The following AQP3 variants were observed in gnomAD, a reference collection of about 807,000 sequenced individuals.
The protein encoded by AQP3 is aquaporin 3 (Gill blood group).
Under a neutral mutation model 30.3 loss-of-function variants are expected in AQP3, and 15 were observed. The observed-to-expected ratio is 0.49, with a 90% CI of 0.33 to 0.76. The LOEUF (loss-of-function observed/expected upper bound fraction) is 0.76, where lower values mean the gene tolerates loss of function less well. AQP3 is among the 30% of genes least tolerant of loss of function. The pLI is 0.02. For missense variants in AQP3, 272 were observed against 384.8 expected, an observed-to-expected ratio of 0.71 and a Z score of 2.45; for synonymous variants, 153 against 163.2, an observed-to-expected ratio of 0.94 and a Z score of 0.47.
chr9:33,446,494 G>T (rs1826915570), intron 1 of AQP3, among the ~76,000 whole-genome samples: 1 of 152,208 alleles, frequency 6.6e-6, no homozygotes, highest in Admixed American at 6.5e-5. Context: ...AGGAAAACAG[G>T]TGTAACCACA....
chr9:33,443,076 A>G lies in AQP3; in HGVS notation c.374-106T>C. On this transcript the variant is annotated intron_variant, in intron 3 of 5. Transcript: ENST00000297991. This position sits in a 1 kb window ranked among gnomAD's most constrained non-coding sequence, Gnocchi z 5.0. ...TCCCATGAGTTATGGGTAAGTAGCA[A>G]TACTGCTGTATTGCAGCAGGCAGAG... 8.5e-7 allele frequency: 1 copy of G among 1,174,338 alleles called. No homozygotes were observed. The highest frequency in any genetic ancestry group is 1.3e-6 in the Non-Finnish European group (1 of 789,082). The allele number at this position is 1,174,338 out of a possible 1,614,324, so 72.7% of individuals were successfully genotyped here.
intron 4 of AQP3, 153 bp from the exon 5 acceptor site, chr9:33,442,671 A>G (rs1826855642): frequency 1.8e-6 from 2 of 1,086,414 alleles, no homozygotes; most frequent in Non-Finnish European, 2.8e-6. Flanking sequence ...TCTGCGTGAC[A>G]AGAACCCGCT....
chr9:33,442,539 G>A, intron 4 of AQP3, 21 bp from the exon 5 acceptor site: 5 of 1,585,648 alleles, frequency 3.2e-6, no homozygotes, highest in Non-Finnish European at 4.3e-6. Context: ...GGGAGAACAG[G>A]GTGAGCTGCA....
intron 1 of AQP3, among the ~76,000 whole-genome samples, chr9:33,446,156 G>A (rs1826910604): frequency 6.6e-6 from 1 of 152,208 alleles, no homozygotes; most frequent in Admixed American, 6.5e-5. Context: ...ATAGGAGTGA[G>A]GGCTCCGAGG....
chr9:33,442,567 G>A (rs1485043718), intron 4 of AQP3, 49 bp from the exon 5 acceptor site: 17 of 1,525,422 alleles, frequency 1.1e-5, no homozygotes, highest in Non-Finnish European at 1.5e-5. Flanking sequence ...CCCTTTCTCT[G>A]ACCCCTCCTT....
At position 33,442,034 on chromosome 9, in the gene AQP3, C is replaced by T; in HGVS notation, c.*9G>A. 1.9e-6 allele frequency: 3 copies of T among 1,612,282 alleles called. No homozygotes were observed. The highest frequency in any genetic ancestry group is 1.7e-6 in the Non-Finnish European group (2 of 1,179,174). Reference sequence around the variant, plus strand: ...AGGGCAGCGGAGTGGGGAGATGGCCCCTGCCCACTCAGATCTGCTCCTTGT... The same window carrying T: ...AGGGCAGCGGAGTGGGGAGATGGCCTCTGCCCACTCAGATCTGCTCCTTGT... On this transcript the variant is annotated 3_prime_UTR_variant, in exon 6 of 6. Coordinates refer to ENST00000297991, the MANE Select transcript of AQP3 (RefSeq NM_004925.5).
In AQP3 at chr9:33,442,773, T is replaced by G. The variant is rs1037776006; in HGVS notation, c.492+79A>C. The G allele has an allele frequency of 7.9e-6, 11 of 1,394,134 alleles. No individual in the cohort carries two copies. The African/African-American group carries it at 1.1e-4, about 14-fold the overall frequency. The allele number at this position is 1,394,134 out of a possible 1,614,324, so 86.4% of individuals were successfully genotyped here. A position where few individuals can be genotyped will look rare whatever the true frequency, so the allele number is the denominator to read the frequency against. ...AAACCCTGCTACAGTCGAGGAGTCCTGTCCCCCAACCAGCCCATGAGCTAC... is the reference window on the plus strand; with the variant it reads ...AAACCCTGCTACAGTCGAGGAGTCCGGTCCCCCAACCAGCCCATGAGCTAC... On this transcript the variant is annotated intron_variant, in intron 4 of 5. Coordinates refer to ENST00000297991, the MANE Select transcript of AQP3 (RefSeq NM_004925.5).
At chr9:33,442,786 G>T in intron 4 of AQP3, 66 bp downstream of exon 4, 1 of 1,471,246 alleles carries the variant, frequency 6.8e-7, no homozygotes, top group Non-Finnish European at 9.5e-7. Context: ...CCCCCAACCA[G>T]CCCATGAGCT....
At chr9:33,444,324 G>A (rs1439106701) in intron 1 of AQP3, among the ~76,000 whole-genome samples, 1 of 152,170 alleles carries the variant, frequency 6.6e-6, no homozygotes, top group East Asian at 1.9e-4. Context: ...ATGTAGGCCC[G>A]GTGCAGTGGC....
In AQP3 at chr9:33,443,411, G is replaced by C; in HGVS notation, c.283C>G (p.Arg95Gly). The stretch of plus-strand genomic sequence containing the variant: ...ATGGGCAGCTTGATCCAGGGCTCAC[G>C]AGCCAGGAAGCACATGGCAAAGGTC... ...AVTFAMCFLA[R>G]EPWIKLPIYT... Residue 95 changes from arginine to glycine, a missense_variant, in exon 3 of 6, where the codon CGT (arginine) becomes GGT (glycine). By Grantham distance (125) the Arg-to-Gly change is moderately radical. Coordinates refer to ENST00000297991, the MANE Select transcript of AQP3 (RefSeq NM_004925.5). The surrounding 1 kb of genome is among the most constrained non-coding windows in gnomAD (Gnocchi z 5.0). 6 of 1,609,526 alleles carry C rather than the reference G, an allele frequency of 3.7e-6. No homozygotes were observed. The highest frequency in any genetic ancestry group is 5.1e-6 in the Non-Finnish European group (6 of 1,178,258).
rs1304576964 is a variant in AQP3 at position 33,443,767 on chromosome 9, A to G, written c.234T>C (p.Ser78=). The G allele has an allele frequency of 1.9e-6, 3 of 1,614,012 alleles. No homozygotes were observed. The highest frequency in any genetic ancestry group is 1.7e-6 in the Non-Finnish European group (2 of 1,179,974). ...CTGGGGGCAGGGTTAAGGCCTTACC[A>G]GAGACCTGGCCAGCGATGAGGATGC... ...TLGILIAGQV[S]GAHLNPAVTF... is the part of the protein sequence containing the mutation. The change falls in exon 2 of 6, where the codon TCT becomes TCC. Residue 78 remains serine, a splice_region_variant and synonymous_variant. Coordinates refer to ENST00000297991, the MANE Select transcript of AQP3 (RefSeq NM_004925.5). The surrounding 1 kb of genome is among the most constrained non-coding windows in gnomAD (Gnocchi z 5.0).
chr9:33,445,189 C>T (rs868270251), intron 1 of AQP3, among the ~76,000 whole-genome samples: 6 of 152,186 alleles, frequency 3.9e-5, no homozygotes, highest in African/African-American at 1.2e-4. Flanking sequence ...CCTGAAAATA[C>T]TTCTGCAGCA....
At chr9:33,442,544 G>A (rs1322217328) in intron 4 of AQP3, 26 bp from the exon 5 acceptor site, 2 of 1,575,528 alleles carry the variant, frequency 1.3e-6, no homozygotes, top group Non-Finnish European at 1.7e-6. Context: ...AACAGGGTGA[G>A]CTGCAGCTCC....
At position 33,447,450 on chromosome 9, in the gene AQP3, G is replaced by C. The variant is rs745553543; in HGVS notation, c.81C>G (p.Ala27=). The change falls in exon 1 of 6, where the codon GCC becomes GCG. Residue 27 remains alanine (A), a synonymous_variant. Transcript: ENST00000297991. ...IRYRLLRQAL[A]ECLGTLILVM... ...CCAGGATGAGGGTCCCCAGGCACTC[G>C]GCCAGCGCCTGTCGGAGCAGCCGGT... is the stretch of plus-strand genomic sequence containing the variant. 1.2e-6 allele frequency: 2 copies of C among 1,607,066 alleles called. No homozygotes were observed. The highest frequency in any genetic ancestry group is 1.3e-5 in the African/African-American group (1 of 74,860).
At chr9:33,442,623 G>A (rs185705251) in intron 4 of AQP3, 105 bp from the exon 5 acceptor site, 29 of 1,253,878 alleles carry the variant, frequency 2.3e-5, no homozygotes, top group Middle Eastern at 2.3e-4. Flanking sequence ...GTCAGCGCCC[G>A]CCCATGCTCT....
In AQP3 at chr9:33,443,378, G is replaced by C. The variant is rs767135708; in HGVS notation, c.316C>G (p.Leu106Val). The change falls in exon 3 of 6, where the codon CTG becomes GTG. Residue 106 changes from leucine to valine, a missense_variant. Physicochemically the swap from Leu to Val is conservative, Grantham distance 32. This residue lies in a region of AQP3 where 170 missense variants were observed against 286.4 expected (regional missense o/e 0.59). Coordinates refer to ENST00000297991, the MANE Select transcript of AQP3 (RefSeq NM_004925.5). The surrounding 1 kb of genome is among the most constrained non-coding windows in gnomAD (Gnocchi z 5.0). ...EPWIKLPIYT[L>V]AQTLGAFLGA... ...AAGAAGGCTCCCAGCGTCTGTGCCA[G>C]GGTGTAGATGGGCAGCTTGATCCAG... The C allele has an allele frequency of 1.2e-5, 20 of 1,602,574 alleles. No individual in the cohort carries two copies. The highest frequency in any genetic ancestry group is 1.6e-5 in the Non-Finnish European group (19 of 1,174,828).
At chr9:33,446,116 C>A (rs1243548461) in intron 1 of AQP3, among the ~76,000 whole-genome samples, 1 of 152,184 alleles carries the variant, frequency 6.6e-6, no homozygotes, top group Admixed American at 6.5e-5. Context: ...CCTGGCTGCT[C>A]TAAAACAGGT....
chr9:33,447,564 G>A lies in AQP3; in HGVS notation c.-34C>T, dbSNP rs569907180. ...AGGCGGCGGCGCTGTCGGGCGGGCA[G>A]GGGTGGCGGGAGGCGGTGGCGCAGC... is the stretch of plus-strand genomic sequence containing the variant. On this transcript the variant is annotated 5_prime_UTR_variant, in exon 1 of 6. Coordinates refer to ENST00000297991, the MANE Select transcript of AQP3 (RefSeq NM_004925.5). The A allele has an allele frequency of 3.3e-6, 5 of 1,532,510 alleles. No individual in the cohort carries two copies. Among genetic ancestry groups the A allele is most frequent in the Middle Eastern group, 1.9e-4 (1 of 5,366 alleles). 94.9% of individuals were successfully genotyped at this position (1,532,510 alleles called of 1,614,324 possible).
chr9:33,442,679 G>T (rs116517274), intron 4 of AQP3, 161 bp from the exon 5 acceptor site: 6 of 1,064,202 alleles, frequency 5.6e-6, no homozygotes, highest in South Asian at 4.0e-5. Flanking sequence ...ACAAGAACCC[G>T]CTGGAGAGCC....
Sources: allele counts gnomAD v4.1 joint callset (sites outside exome capture counted in the v4.1 genomes callset), GRCh38; gene constraint gnomAD v4.1.1; regional missense constraint gnomAD v4.1.1; non-coding constraint Gnocchi (gnomAD v3.1); transcripts MANE v1.5; gene names NCBI Gene and HGNC (gene_info 2026-07-23, HGNC 2026-07-21).